The following DOCK2 variants were observed in gnomAD, a reference collection of about 807,000 sequenced individuals.
DOCK2 encodes dedicator of cytokinesis protein 2.
Under a neutral mutation model 248.9 loss-of-function variants are expected in DOCK2, and 87 were observed. The ratio of observed to expected loss-of-function variants is 0.35; its 90% CI spans 0.29 to 0.42. The LOEUF is 0.42. DOCK2 is among the 10% of genes least tolerant of loss of function. The probability of loss-of-function intolerance (pLI) is 1.00; values close to 1 mark genes in which losing one functional copy is unlikely to be tolerated. For missense variants in DOCK2, 1,747 were observed against 2,300.2 expected, an observed-to-expected ratio of 0.76 and a Z score of 4.92; for synonymous variants, 805 against 821.6, an observed-to-expected ratio of 0.98 and a Z score of 0.35.
intron 27 of DOCK2, among the ~76,000 whole-genome samples, chr5:169,898,350 G>T (rs1773729354): frequency 6.6e-6 from 1 of 152,192 alleles, no homozygotes; most frequent in African/African-American, 2.4e-5. Context: ...CAGCAGCCAG[G>T]TGTACTGTAT....
chr5:170,045,749 T>C (rs1431412291), intron 38 of DOCK2, 67 bp from the exon 39 acceptor site: 1 of 1,492,776 alleles, frequency 6.7e-7, no homozygotes, highest in Non-Finnish European at 9.3e-7. Context: ...CCTGAGTCCC[T>C]TCCTCAGCAA....
At chr5:169,973,161 C>T (rs1777589512) in intron 27 of DOCK2, among the ~76,000 whole-genome samples, 1 of 152,156 alleles carries the variant, frequency 6.6e-6, no homozygotes, top group Non-Finnish European at 1.5e-5. Context: ...GGCTTGGTCA[C>T]CCGATGTTCT....
At chr5:169,730,044 C>T (rs1295399855) in intron 22 of DOCK2, among the ~76,000 whole-genome samples, 2 of 152,170 alleles carry the variant, frequency 1.3e-5, no homozygotes, top group Non-Finnish European at 2.9e-5. Flanking sequence ...GCAGCCTCTG[C>T]CTCCTGGGTT....
At chr5:170,002,092 AC>A (rs1754854334) in intron 30 of DOCK2, among the ~76,000 whole-genome samples, 1 of 152,218 alleles carries the variant, frequency 6.6e-6, no homozygotes. Flanking sequence ...ATAAAAACAA[AC>A]AAAGACAAAA....
intron 27 of DOCK2, among the ~76,000 whole-genome samples, chr5:169,893,237 T>TGGC (rs1581371377): frequency 6.6e-6 from 1 of 152,162 alleles, no homozygotes; most frequent in African/African-American, 2.4e-5. Context: ...CCAGAGGCAT[T>TGGC]GGCTGCTGCT....
At position 169,689,843 on chromosome 5, in the gene DOCK2, C is replaced by T. The variant is rs1194167765; in HGVS notation, c.843+510C>T. On this transcript the variant is annotated intron_variant, in intron 9 of 51. Transcript: ENST00000520908. ...TAACGATCTGGTGGGTCCTTAGGAT[C>T]ATCCTTCTAAATACCAATACTCACT... Among the ~76,000 whole-genome samples the T allele has an allele frequency of 2.6e-5, 4 of 152,194 alleles. 1 individual carries two copies. The South Asian group carries it at 8.3e-4, about 32-fold the overall frequency.
intron 22 of DOCK2, among the ~76,000 whole-genome samples, chr5:169,724,014 A>G (rs1170866607): frequency 3.3e-5 from 5 of 152,222 alleles, no homozygotes; most frequent in African/African-American, 7.2e-5. Context: ...GTCAAGCTCA[A>G]TGATCACACA....
intron 2 of DOCK2, among the ~76,000 whole-genome samples, chr5:169,666,913 T>C (rs1773179902): frequency 6.6e-6 from 1 of 152,224 alleles, no homozygotes; most frequent in Non-Finnish European, 1.5e-5. Context: ...TTAATATTGA[T>C]TGAACTTGAA....
At chr5:169,957,332 T>C (rs991182129) in intron 27 of DOCK2, among the ~76,000 whole-genome samples, 5 of 152,242 alleles carry the variant, frequency 3.3e-5, no homozygotes, top group Non-Finnish European at 7.3e-5. Flanking sequence ...TCCTACTTTG[T>C]AGGATTGTCA....
chr5:169,698,184 GC>G (rs1760744090), intron 10 of DOCK2, among the ~76,000 whole-genome samples, 189 bp from the exon 11 acceptor site: 1 of 152,062 alleles, frequency 6.6e-6, no homozygotes, highest in Non-Finnish European at 1.5e-5. Context: ...GGAGGTATTT[GC>G]CCTGGTGCTG....
Position 169,714,203 on chromosome 5 carries a change from C to T in DOCK2, c.1835C>T (p.Thr612Ile). Residue 612 changes from threonine (T) to isoleucine (I), a missense_variant, in exon 18 of 52, where the codon ACT becomes ATT. By Grantham distance (89) the Thr-to-Ile change is moderately conservative. Transcript: ENST00000520908. Reference sequence around the variant, plus strand: ...ACCCTGGTGTGCTCCACAAAGCTCACTCAGAATGGTAATCGGGTCATCAAG... The same window carrying T: ...ACCCTGGTGTGCTCCACAAAGCTCATTCAGAATGGTAATCGGGTCATCAAG... ...ISTLVCSTKL[T>I]QNVGLLGLLK... The T allele has an allele frequency of 6.2e-7, 1 of 1,608,126 alleles. No homozygotes were observed. Among genetic ancestry groups the T allele is most frequent in the Non-Finnish European group, 8.5e-7 (1 of 1,175,952 alleles).
At chr5:169,716,485 T>A (rs1261458510) in intron 20 of DOCK2, among the ~76,000 whole-genome samples, 183 bp downstream of exon 20, 1 of 152,236 alleles carries the variant, frequency 6.6e-6, no homozygotes, top group Non-Finnish European at 1.5e-5. Context: ...TCTTGCCAGT[T>A]CATTTGAAAG....
chr5:169,758,587 A>G (rs1435300221), intron 23 of DOCK2, among the ~76,000 whole-genome samples: 1 of 152,222 alleles, frequency 6.6e-6, no homozygotes, highest in East Asian at 1.9e-4. Flanking sequence ...AAATGGCTCT[A>G]AGTGCAGCCT....
chr5:169,757,134 G>T (rs1266554649), intron 23 of DOCK2, among the ~76,000 whole-genome samples: 2 of 152,086 alleles, frequency 1.3e-5, no homozygotes, highest in Non-Finnish European at 2.9e-5. Context: ...TTTAGGGAGA[G>T]AATGGAATCC....
chr5:169,687,258 G>T (rs1485335910), intron 8 of DOCK2, among the ~76,000 whole-genome samples: 1 of 152,126 alleles, frequency 6.6e-6, no homozygotes, highest in Non-Finnish European at 1.5e-5. Context: ...TTCCTAGTTA[G>T]TTTACTGCAA....
intron 22 of DOCK2, among the ~76,000 whole-genome samples, chr5:169,720,445 C>G (rs1762134605): frequency 6.6e-6 from 1 of 151,750 alleles, no homozygotes. Flanking sequence ...TTTCCTTTTC[C>G]ATCCCTTCCT....
intron 27 of DOCK2, among the ~76,000 whole-genome samples, chr5:169,908,533 A>G (rs1014184023): frequency 2.0e-5 from 3 of 152,132 alleles, no homozygotes; most frequent in African/African-American, 7.2e-5. Context: ...CCCACCTGCT[A>G]GAGGAAAATA....
intron 35 of DOCK2, among the ~76,000 whole-genome samples, chr5:170,035,022 G>T (rs774077971): frequency 6.6e-6 from 1 of 152,180 alleles, no homozygotes; most frequent in African/African-American, 2.4e-5. Context: ...TGCTCACTAC[G>T]TATTAGTTTC....
intron 25 of DOCK2, among the ~76,000 whole-genome samples, chr5:169,799,634 G>A (rs1328159218): frequency 6.6e-6 from 1 of 152,110 alleles, no homozygotes; most frequent in African/African-American, 2.4e-5. Context: ...AAATACATCT[G>A]GATGAAAATC....
Sources: gnomAD v4.1 joint callset for allele counts (sites outside exome capture counted in the v4.1 genomes callset) on GRCh38, gnomAD v4.1.1 for gene constraint, MANE v1.5 for transcripts, NCBI Gene and HGNC (gene_info 2026-07-23, HGNC 2026-07-21) for gene names.